The following LTBP1 variants were observed in gnomAD, a reference collection of about 807,000 sequenced individuals.
LTBP1 encodes latent-transforming growth factor beta-binding protein 1.
A neutral mutation model predicts 207.6 loss-of-function variants in LTBP1; 129 were observed. That is an observed-to-expected ratio of 0.62 (90% CI 0.54 to 0.72). The LOEUF is 0.72. Among genes scored for constraint, LTBP1 ranks in the 30% least tolerant of loss-of-function variants. The probability of loss-of-function intolerance (pLI) is 0.00; values close to 1 mark genes in which losing one functional copy is unlikely to be tolerated. For missense variants in LTBP1, 2,281 were observed against 2,217.2 expected (o/e 1.03, Z -0.58); for synonymous variants, 963 against 833.7 (o/e 1.16, Z -2.67).
chr2:33,285,713 C>T (rs974151676), intron 19 of LTBP1: 1 of 152,196 alleles, frequency 6.6e-6, no homozygotes, highest in Admixed American at 6.5e-5. Flanking sequence ...TCCCAAAGTG[C>T]TGGGATTACA....
intron 19 of LTBP1, among the ~76,000 whole-genome samples, chr2:33,284,116 C>G (rs1300562599): frequency 6.6e-6 from 1 of 152,188 alleles, no homozygotes; most frequent in East Asian, 1.9e-4. Flanking sequence ...AAATGATGAA[C>G]TTGGTGAAAC....
intron 9 of LTBP1, among the ~76,000 whole-genome samples, chr2:33,243,153 C>G (rs918303474): frequency 2.0e-5 from 3 of 152,214 alleles, no homozygotes; most frequent in African/African-American, 7.2e-5. Flanking sequence ...TCCTCAGTGC[C>G]ACAGTCTGCC....
intron 7 of LTBP1, among the ~76,000 whole-genome samples, chr2:33,213,550 G>A (rs866286101): frequency 1.6e-4 from 25 of 152,262 alleles, no homozygotes; most frequent in African/African-American, 5.1e-4. Flanking sequence ...TTTGGTGTGG[G>A]AGAGAGAAGA....
At chr2:33,328,895 T>G (rs969213189) in intron 24 of LTBP1, among the ~76,000 whole-genome samples, 1 of 152,242 alleles carries the variant, frequency 6.6e-6, no homozygotes, top group African/African-American at 2.4e-5. Context: ...AGTATTTCAT[T>G]GTATACTACA....
rs189555661 is a variant in LTBP1, at chr2:33,066,418, G to A, written c.864-44164G>A. On this transcript the variant is annotated intron_variant, in intron 3 of 33. Coordinates refer to ENST00000404816, the MANE Select transcript of LTBP1 (RefSeq NM_206943.4). The stretch of plus-strand genomic sequence containing the variant: ...ATTATTTTAAACTTAGAAATTGTCA[G>A]TGTTTTTAGTGGCATGTGTATTAAC... Among the ~76,000 whole-genome samples the A allele has an allele frequency of 2.4e-3, 372 of 152,258 alleles. 2 individuals are homozygous for A. The highest frequency in any genetic ancestry group is 8.3e-3 in the African/African-American group (344 of 41,566).
At chr2:33,302,687 A>G (rs1203752088) in intron 22 of LTBP1, among the ~76,000 whole-genome samples, 1 of 152,170 alleles carries the variant, frequency 6.6e-6, no homozygotes, top group Admixed American at 6.5e-5. Flanking sequence ...TTAATGAATC[A>G]GTAAATCAAC....
At chr2:33,332,374 A>C (rs1457426662) in intron 24 of LTBP1, among the ~76,000 whole-genome samples, 1 of 38,182 alleles carries the variant, frequency 2.6e-5, no homozygotes. Flanking sequence ...ACCATCTCCA[A>C]AAAAAAAAAA....
intron 4 of LTBP1, among the ~76,000 whole-genome samples, chr2:33,128,798 T>A (rs2081592728): frequency 6.6e-6 from 1 of 152,208 alleles, no homozygotes; most frequent in Non-Finnish European, 1.5e-5. Flanking sequence ...GAGCTCTTGC[T>A]CCCCCTTTCT....
At position 33,295,614 on chromosome 2, in the gene LTBP1, C is replaced by T. The variant is rs768158238; in HGVS notation, c.3235+2332C>T. On this transcript the variant is annotated intron_variant, in intron 20 of 33. Transcript: ENST00000404816. ...TGGTGGTACACTGTTGTAATTTCTCCAAGGCTTCCCTAATTTTCCTTTTTA... is the reference window on the plus strand; with the variant it reads ...TGGTGGTACACTGTTGTAATTTCTCTAAGGCTTCCCTAATTTTCCTTTTTA... Among the ~76,000 whole-genome samples, 2 of 152,044 alleles carry T rather than the reference C, an allele frequency of 1.3e-5. 1 individual carries two copies. Among genetic ancestry groups the T allele is most frequent in the Non-Finnish European group, 2.9e-5 (2 of 68,010 alleles).
At chr2:33,397,368 G>A (rs766305783) in intron 33 of LTBP1, 86 bp downstream of exon 33, 8 of 1,508,092 alleles carry the variant, frequency 5.3e-6, no homozygotes, top group Non-Finnish European at 7.3e-6. Flanking sequence ...AGATAGATTT[G>A]CTGAGTTTCA....
At chr2:33,206,169 A>G (rs1249619054) in intron 7 of LTBP1, among the ~76,000 whole-genome samples, 1 of 152,180 alleles carries the variant, frequency 6.6e-6, no homozygotes, top group Non-Finnish European at 1.5e-5. Context: ...GACAAGACAG[A>G]CATGGTTCCC....
intron 2 of LTBP1, among the ~76,000 whole-genome samples, chr2:32,975,691 G>A (rs1681661128): frequency 7.7e-6 from 1 of 129,564 alleles, no homozygotes; most frequent in African/African-American, 2.9e-5. Context: ...GGTTAATTCT[G>A]CTGTTAATAC....
chr2:33,060,847 T>A (rs755964305), intron 3 of LTBP1, among the ~76,000 whole-genome samples: 4 of 152,154 alleles, frequency 2.6e-5, no homozygotes, highest in Non-Finnish European at 5.9e-5. Flanking sequence ...TTATAGTGAT[T>A]GAAATTTTCT....
At chr2:33,300,379 T>C in intron 20 of LTBP1, 72 bp from the exon 21 acceptor site, 1 of 1,486,898 alleles carries the variant, frequency 6.7e-7, no homozygotes, top group South Asian at 1.2e-5. Context: ...AATCCCAGAA[T>C]GCATTGCAGG....
chr2:33,188,158 C>T (rs1377143050), intron 6 of LTBP1, among the ~76,000 whole-genome samples: 4 of 152,272 alleles, frequency 2.6e-5, no homozygotes, highest in African/African-American at 4.8e-5. Context: ...CGGTGGCTCA[C>T]GCCTGTAATC....
intron 5 of LTBP1, among the ~76,000 whole-genome samples, chr2:33,159,561 T>G (rs1438466049): frequency 6.6e-6 from 1 of 152,232 alleles, no homozygotes; most frequent in Non-Finnish European, 1.5e-5. Flanking sequence ...TGATTGTGCT[T>G]CTAACCCCCA....
intron 3 of LTBP1, among the ~76,000 whole-genome samples, chr2:33,073,188 G>C (rs935305867): frequency 6.6e-6 from 1 of 152,132 alleles, no homozygotes; most frequent in Non-Finnish European, 1.5e-5. Context: ...TAGAAGGAAA[G>C]AATTGTAGAC....
At chr2:33,072,846 A>T (rs185342796) in intron 3 of LTBP1, among the ~76,000 whole-genome samples, 2 of 152,322 alleles carry the variant, frequency 1.3e-5, no homozygotes, top group East Asian at 3.9e-4. Flanking sequence ...ACTTCAGCCT[A>T]TGTTATTTCC....
At chr2:33,070,315 G>A (rs973648134) in intron 3 of LTBP1, among the ~76,000 whole-genome samples, 1 of 152,220 alleles carries the variant, frequency 6.6e-6, no homozygotes. Context: ...TAGGGCCATG[G>A]CAAGGTGACG....
Sources: allele counts gnomAD v4.1 joint callset (sites outside exome capture counted in the v4.1 genomes callset), GRCh38; gene constraint gnomAD v4.1.1; transcripts MANE v1.5; gene names NCBI Gene and HGNC (gene_info 2026-07-23, HGNC 2026-07-21).